Variants in ZFYVE9 observed in about 807,000 individuals in gnomAD.
The protein encoded by ZFYVE9 is zinc finger FYVE-type containing 9, also known as zinc finger FYVE domain-containing protein 9.
A neutral mutation model predicts 126.7 loss-of-function variants in ZFYVE9; 43 were observed. The observed-to-expected ratio is 0.34, with a 90% CI of 0.27 to 0.44. The LOEUF is 0.44. Among genes scored for constraint, ZFYVE9 ranks in the 20% least tolerant of loss-of-function variants. The pLI is 1.00. For missense variants in ZFYVE9, 1,476 were observed against 1,697.0 expected, an observed-to-expected ratio of 0.87 and a Z score of 2.29; for synonymous variants, 521 against 597.4, an observed-to-expected ratio of 0.87 and a Z score of 1.87.
Position 52,328,740 on chromosome 1 carries a change from T to C in ZFYVE9, c.3439-4028T>C, listed in dbSNP as rs528011057. On this transcript the variant is annotated intron_variant, in intron 13 of 18. Coordinates refer to ENST00000287727, the MANE Select transcript of ZFYVE9 (RefSeq NM_004799.4). ...TGTAAATTGCAAATGAGAACCTAAA[T>C]GTGTCTGTCAGTTGGCTTTGCTAAG... Among the ~76,000 whole-genome samples the C allele has an allele frequency of 1.1e-4, 17 of 152,348 alleles. No individual in the cohort carries two copies. In the South Asian group the frequency reaches 1.9e-3, roughly 17 times the overall value.
chr1:52,216,068 A>G (rs1645070036), intron 1 of ZFYVE9, among the ~76,000 whole-genome samples: 1 of 152,236 alleles, frequency 6.6e-6, no homozygotes, highest in African/African-American at 2.4e-5. Flanking sequence ...TTATGAATTA[A>G]CACAATTAAA....
intron 1 of ZFYVE9, among the ~76,000 whole-genome samples, chr1:52,187,724 G>A (rs900653007): frequency 6.6e-6 from 1 of 152,210 alleles, no homozygotes; most frequent in African/African-American, 2.4e-5. Flanking sequence ...CTGATCATTA[G>A]AGAAATGCAA....
intron 13 of ZFYVE9, among the ~76,000 whole-genome samples, chr1:52,318,462 A>T (rs1018033098): frequency 1.3e-5 from 2 of 151,524 alleles, no homozygotes; most frequent in Non-Finnish European, 2.9e-5. Flanking sequence ...ATGATTATCT[A>T]TGAAAAATCT....
At chr1:52,323,689 G>A (rs1397123396) in intron 13 of ZFYVE9, among the ~76,000 whole-genome samples, 1 of 152,162 alleles carries the variant, frequency 6.6e-6, no homozygotes, top group Non-Finnish European at 1.5e-5. Flanking sequence ...CAAGGAGGGA[G>A]GGTCACTTCA....
intron 10 of ZFYVE9, among the ~76,000 whole-genome samples, chr1:52,286,502 A>G (rs1004572820): frequency 3.5e-4 from 53 of 152,174 alleles, no homozygotes; most frequent in African/African-American, 1.3e-3. Flanking sequence ...GAAACATTAT[A>G]ATTTGTGAGA....
chr1:52,254,297 TAA>T (rs1291779249), intron 4 of ZFYVE9: 1 of 165,192 alleles, frequency 6.1e-6, no homozygotes, highest in African/African-American at 2.4e-5. Flanking sequence ...TATATATATT[TAA>T]AAATATTTTA....
At position 52,273,821 on chromosome 1, in the gene ZFYVE9, A is replaced by G. The variant is rs915027952; in HGVS notation, c.2626-643A>G. Among the ~76,000 whole-genome samples the G allele has an allele frequency of 2.9e-3, 433 of 148,952 alleles. 1 individual carries two copies. The highest frequency in any genetic ancestry group is 0.01 in the African/African-American group (409 of 40,348). On this transcript the variant is annotated intron_variant, in intron 7 of 18. Transcript: ENST00000287727. ...GCGATAGAGTGAGACTCCTTCTCAA[A>G]AAAAAAAAAAAAAAAAATGAACTTC... is the stretch of plus-strand genomic sequence containing the variant.
intron 13 of ZFYVE9, among the ~76,000 whole-genome samples, chr1:52,326,849 A>T (rs763959667): frequency 1.3e-5 from 2 of 150,974 alleles, no homozygotes; most frequent in African/African-American, 2.4e-5. Flanking sequence ...AGCCTGGGCA[A>T]CAAGAGTGAA....
chr1:52,293,399 G>C, intron 10 of ZFYVE9, 54 bp from the exon 11 acceptor site: 1 of 649,368 alleles, frequency 1.5e-6, no homozygotes, highest in Non-Finnish European at 2.3e-6. Context: ...AAAAAAAAAA[G>C]AAATATGATT....
chr1:52,168,091 AT>A (rs1644529392), intron 1 of ZFYVE9, among the ~76,000 whole-genome samples: 1 of 152,130 alleles, frequency 6.6e-6, no homozygotes, highest in Admixed American at 6.6e-5. Flanking sequence ...GACTGCTTTC[AT>A]TTAGTATACT....
At chr1:52,210,871 T>C (rs1343227368) in intron 1 of ZFYVE9, among the ~76,000 whole-genome samples, 1 of 152,200 alleles carries the variant, frequency 6.6e-6, no homozygotes, top group Non-Finnish European at 1.5e-5. Flanking sequence ...GCCAGGTTCT[T>C]CTCGAACTTC....
rs184880166 is a variant in ZFYVE9 at position 52,307,539 on chromosome 1, C to T, written c.3438+3614C>T. 2.0e-5 allele frequency among the ~76,000 whole-genome samples: 3 copies of T among 152,004 alleles called. No individual in the cohort carries two copies. The East Asian group carries it at 5.9e-4, about 30-fold the overall frequency. ...GGTGTGTGCCACTGCGTTCAGCCCC[C>T]ATAGTTACTTCAGTACTGACTGGAC... On this transcript the variant is annotated intron_variant, in intron 13 of 18. Coordinates refer to ENST00000287727, the MANE Select transcript of ZFYVE9 (RefSeq NM_004799.4).
At chr1:52,297,584 A>G (rs1557507045) in intron 12 of ZFYVE9, among the ~76,000 whole-genome samples, 1 of 152,066 alleles carries the variant, frequency 6.6e-6, no homozygotes. Context: ...ATTCCAGAGC[A>G]CTGAAATGGT....
Position 52,323,771 on chromosome 1 carries a change from C to T in ZFYVE9, c.3439-8997C>T, listed in dbSNP as rs184931225. ...CTACCAAAAAATAACAAAAATTAGG[C>T]GGGCATGGCAGCACATGCCTATAAT... On this transcript the variant is annotated intron_variant, in intron 13 of 18. Coordinates refer to ENST00000287727, the MANE Select transcript of ZFYVE9 (RefSeq NM_004799.4). Among the ~76,000 whole-genome samples the T allele has an allele frequency of 5.1e-3, 780 of 151,858 alleles. 9 individuals carry two copies. The highest frequency in any genetic ancestry group is 0.017 in the African/African-American group (720 of 41,430).
rs143492026 is a variant in ZFYVE9, at chr1:52,298,119, A to G, written c.3333+2142A>G. Among the ~76,000 whole-genome samples the G allele has an allele frequency of 2.1e-4, 32 of 152,260 alleles. No individual in the cohort carries two copies. In the East Asian group the frequency reaches 6.2e-3, roughly 29 times the overall value. On this transcript the variant is annotated intron_variant, in intron 12 of 18. Transcript: ENST00000287727. ...TAGGTTGTGTCTTCACTCTGTTAATAGTTTCCTTTTCTGTGCAAAATCTTT... is the reference window on the plus strand; with the variant it reads ...TAGGTTGTGTCTTCACTCTGTTAATGGTTTCCTTTTCTGTGCAAAATCTTT...
chr1:52,256,061 CTCTT>C (rs1245928681), intron 4 of ZFYVE9, among the ~76,000 whole-genome samples: 9 of 143,272 alleles, frequency 6.3e-5, no homozygotes, highest in South Asian at 2.2e-4. Flanking sequence ...CTCTCTCTCT[CTCTT>C]TCTTTCTTTT....
At position 52,204,054 on chromosome 1, in the gene ZFYVE9, G is replaced by A. The variant is rs548273882; in HGVS notation, c.-142-12315G>A. Among the ~76,000 whole-genome samples, 3 of 151,088 alleles carry A rather than the reference G, an allele frequency of 2.0e-5. No individual in the cohort carries two copies. The South Asian group carries it at 6.3e-4, about 32-fold the overall frequency. On this transcript the variant is annotated intron_variant, in intron 1 of 18. Coordinates refer to ENST00000287727, the MANE Select transcript of ZFYVE9 (RefSeq NM_004799.4). Reference sequence around the variant, plus strand: ...AGCATCTCTGCTATATCTGAATCTAGTTCTGATGTTTGCTCTTTCTCCTCA... The same window carrying A: ...AGCATCTCTGCTATATCTGAATCTAATTCTGATGTTTGCTCTTTCTCCTCA...
intron 1 of ZFYVE9, among the ~76,000 whole-genome samples, chr1:52,151,269 T>C (rs147970969): frequency 3.9e-4 from 59 of 152,302 alleles, no homozygotes; most frequent in African/African-American, 1.3e-3. Context: ...GTGCCATCTT[T>C]CTGGTAAGTG....
intron 13 of ZFYVE9, among the ~76,000 whole-genome samples, chr1:52,326,144 A>C (rs1050504128): frequency 1.3e-5 from 2 of 152,228 alleles, no homozygotes; most frequent in Admixed American, 1.3e-4. Context: ...CGTACTTTGC[A>C]CATTCTGTTG....
Sources: allele counts gnomAD v4.1 joint callset (sites outside exome capture counted in the v4.1 genomes callset), GRCh38; gene constraint gnomAD v4.1.1; transcripts MANE v1.5; gene names NCBI Gene and HGNC (gene_info 2026-07-23, HGNC 2026-07-21).